Variants in DNAH5 observed in about 807,000 individuals in gnomAD.
DNAH5 encodes the protein axonemal beta dynein heavy chain 5.
A neutral mutation model predicts 518.2 loss-of-function variants in DNAH5; 372 were observed. The ratio of observed to expected loss-of-function variants is 0.72; its 90% CI spans 0.66 to 0.78. DNAH5 has a LOEUF of 0.78. DNAH5 is among the 30% of genes least tolerant of loss of function. The pLI is 0.00. For missense variants in DNAH5, 5,523 were observed against 5,687.0 expected, an observed-to-expected ratio of 0.97 and a Z score of 0.93; for synonymous variants, 2,039 against 2,025.9, an observed-to-expected ratio of 1.01 and a Z score of -0.17.
intron 60 of DNAH5, among the ~76,000 whole-genome samples, chr5:13,759,905 C>A (rs1751542059): frequency 7.4e-6 from 1 of 135,862 alleles, no homozygotes; most frequent in African/African-American, 2.8e-5. Flanking sequence ...AAATTATTTT[C>A]CTATCTCAAA....
chr5:13,823,410 T>C, intron 39 of DNAH5, 40 bp from the exon 40 acceptor site: 1 of 1,323,554 alleles, frequency 7.6e-7, no homozygotes, highest in Non-Finnish European at 1.1e-6. Context: ...ATTATTCTGG[T>C]ATAAACATAT....
intron 70 of DNAH5, among the ~76,000 whole-genome samples, chr5:13,725,878 C>T (rs1847080): frequency 0.64 from 96,555 of 152,000 alleles, 31,016 homozygotes; most frequent in African/African-American, 0.73. Flanking sequence ...GGTCTTGAAC[C>T]CCTGACCTCG....
chr5:13,923,695 A>T (rs1370829178), intron 3 of DNAH5, among the ~76,000 whole-genome samples: 1 of 152,172 alleles, frequency 6.6e-6, no homozygotes. Flanking sequence ...CAATGTATCT[A>T]CTGGCATGTA....
At position 13,716,669 on chromosome 5, in the gene DNAH5, G is replaced by A. The variant is rs150357258; in HGVS notation, c.12727C>T (p.Arg4243Cys). The change falls in exon 74 of 79, where the codon CGC (arginine) becomes TGC (cysteine). Residue 4243 changes from arginine (R) to cysteine (C), a missense_variant. By Grantham distance (180) the Arg-to-Cys change is radical. Coordinates refer to ENST00000265104, the MANE Select transcript of DNAH5 (RefSeq NM_001369.3). ...VKKGVSWTTI[R>C]YMIGEIQYGG... ...TATTGAATCTCTCCTATCATGTAGCGGATGGTGGTCCAGGAGACACCCTGG... is the reference window on the plus strand; with the variant it reads ...TATTGAATCTCTCCTATCATGTAGCAGATGGTGGTCCAGGAGACACCCTGG... 4.0e-5 allele frequency: 64 copies of A among 1,613,280 alleles called. No individual in the cohort carries two copies. Among genetic ancestry groups the A allele is most frequent in the South Asian group, 6.6e-5 (6 of 91,048 alleles).
chr5:13,821,506 A>G (rs969834269), intron 40 of DNAH5, among the ~76,000 whole-genome samples: 1 of 152,210 alleles, frequency 6.6e-6, no homozygotes, highest in Non-Finnish European at 1.5e-5. Flanking sequence ...TCTTCCTTTT[A>G]CAGATAAGGA....
At chr5:13,767,295 T>C (rs1752634065) in intron 58 of DNAH5, among the ~76,000 whole-genome samples, 1 of 152,148 alleles carries the variant, frequency 6.6e-6, no homozygotes, top group South Asian at 2.1e-4. Context: ...GGGCTAATTT[T>C]TGTATTTTTA....
rs1763431235 is a variant in DNAH5, at chr5:13,830,077, A to G, written c.6198T>C (p.Thr2066=). The G allele has an allele frequency of 6.2e-7, 1 of 1,614,002 alleles. No individual in the cohort carries two copies. The highest frequency in any genetic ancestry group is 1.3e-5 in the African/African-American group (1 of 74,934). The change falls in exon 37 of 79, where the codon ACT becomes ACC. Residue 2066 remains threonine (T), a synonymous_variant. Transcript: ENST00000265104. ...KKEHKKSFIF[T]DGDNVTMNPE... Reference sequence around the variant, plus strand: ...GGTTCATAGTCACATTATCTCCATCAGTAAAGATAAAAGACTTTTTGTGCT... The same window carrying G: ...GGTTCATAGTCACATTATCTCCATCGGTAAAGATAAAAGACTTTTTGTGCT...
chr5:13,905,145 T>C (rs1775131001), intron 12 of DNAH5, among the ~76,000 whole-genome samples: 1 of 152,228 alleles, frequency 6.6e-6, no homozygotes, highest in South Asian at 2.1e-4. Flanking sequence ...GTTTAACCAA[T>C]TGAATCAAAA....
rs369529439 is a variant in DNAH5, at chr5:13,791,947, T to C, written c.8448+47A>G. ...AATCAATAAAAATATTTAGAATATA[T>C]CATTAATAGCAATGTTATTTGTTTT... On this transcript the variant is annotated intron_variant, in intron 50 of 78. Transcript: ENST00000265104. 3.3e-5 allele frequency: 46 copies of C among 1,410,706 alleles called. No individual in the cohort carries two copies. In the African/African-American group the frequency reaches 6.0e-4, roughly 18 times the overall value. 87.4% of individuals were successfully genotyped at this position (1,410,706 alleles called of 1,614,324 possible).
At position 13,876,772 on chromosome 5, in the gene DNAH5, G is replaced by C; in HGVS notation, c.3308C>G (p.Thr1103Ser). 1 of 1,613,734 alleles carries C rather than the reference G, an allele frequency of 6.2e-7. No individual in the cohort carries two copies. The highest frequency in any genetic ancestry group is 2.2e-5 in the East Asian group (1 of 44,874). Reference sequence around the variant, plus strand: ...AGAAACATTCTTATAATAGTTCTTGGTTTGCACGGGAATGGGTAAATTTAC... The same window carrying C: ...AGAAACATTCTTATAATAGTTCTTGCTTTGCACGGGAATGGGTAAATTTAC... ...ASVNLPIPVQ[T>S]KNYYKNVSEN... The change falls in exon 22 of 79, where the codon ACC (threonine) becomes AGC (serine). Residue 1103 changes from threonine (T) to serine (S), a missense_variant. This residue lies in a region of DNAH5 where 5,121 missense variants were observed against 5,223.3 expected (regional missense o/e 0.98). Transcript: ENST00000265104.
intron 22 of DNAH5, 88 bp downstream of exon 22, chr5:13,876,596 T>TTATGTGAG: frequency 6.7e-7 from 1 of 1,502,584 alleles, no homozygotes; most frequent in South Asian, 1.3e-5. Context: ...AGACCCAGGC[T>TTATGTGAG]ACATAAAGGA....
rs1476478544 is a variant in DNAH5, at chr5:13,766,148, C to T, written c.9929G>A (p.Arg3310His). Residue 3310 changes from arginine (R) to histidine (H), a missense_variant, in exon 59 of 79, where the codon CGC becomes CAC. Coordinates refer to ENST00000265104, the MANE Select transcript of DNAH5 (RefSeq NM_001369.3). ...GAGGTGAGGGGGGCGGCCCAACGTG[C>T]GAACAGTGGCGATGTCCGAAGGCCT... is the stretch of plus-strand genomic sequence containing the variant. ...TIRPSDIATV[R>H]TLGRPPHLIM... The T allele has an allele frequency of 6.2e-7, 1 of 1,614,144 alleles. No homozygotes were observed. Among genetic ancestry groups the T allele is most frequent in the Non-Finnish European group, 8.5e-7 (1 of 1,180,012 alleles).
intron 3 of DNAH5, 96 bp downstream of exon 3, chr5:13,927,998 A>T: frequency 9.3e-7 from 1 of 1,072,682 alleles, no homozygotes; most frequent in South Asian, 1.3e-5. Context: ...CCGCAAGGTG[A>T]AACAGGTCCG....
intron 49 of DNAH5, 95 bp from the exon 50 acceptor site, chr5:13,792,312 T>C: frequency 2.0e-6 from 2 of 982,110 alleles, no homozygotes; most frequent in Non-Finnish European, 3.2e-6. Context: ...AAAAATGTCA[T>C]TATACATTTT....
At chr5:13,870,742 T>C in intron 24 of DNAH5, 25 bp downstream of exon 24, 1 of 1,583,500 alleles carries the variant, frequency 6.3e-7, no homozygotes, top group Non-Finnish European at 8.7e-7. Context: ...AATATTTCTA[T>C]AATGAACAAA....
Position 13,765,994 on chromosome 5 carries a change from G to A in DNAH5, c.10083C>T (p.Asn3361=), listed in dbSNP as rs768437432. The A allele has an allele frequency of 1.2e-6, 2 of 1,614,140 alleles. No homozygotes were observed. Among genetic ancestry groups the A allele is most frequent in the Non-Finnish European group, 1.7e-6 (2 of 1,180,004 alleles). ...QESLKLMTAG[N]FLQNLQQFPK... ...TACCAACCTGTAAGTTCTGTAAAAA[G>A]TTCCCTGCAGTCATCAATTTTAAGG... is the stretch of plus-strand genomic sequence containing the variant. The change falls in exon 59 of 79, where the codon AAC becomes AAT. Residue 3361 remains asparagine, a synonymous_variant. Transcript: ENST00000265104.
intron 32 of DNAH5, among the ~76,000 whole-genome samples, chr5:13,842,349 C>T (rs113111088): frequency 0.18 from 27,124 of 150,468 alleles, 2,626 homozygotes; most frequent in East Asian, 0.51. Flanking sequence ...CATTGCACTC[C>T]AGGCTGGGCA....
At chr5:13,784,453 T>A (rs556555892) in intron 52 of DNAH5, among the ~76,000 whole-genome samples, 1 of 152,200 alleles carries the variant, frequency 6.6e-6, no homozygotes, top group Non-Finnish European at 1.5e-5. Flanking sequence ...CCAAGCCAAG[T>A]GCCCTCGTGC....
rs902970664 is a variant in DNAH5, at chr5:13,944,642, G to C, written c.-204C>G. 1.7e-6 allele frequency: 1 copy of C among 599,894 alleles called. No individual in the cohort carries two copies. The highest frequency in any genetic ancestry group is 3.0e-6 in the Non-Finnish European group (1 of 332,378). The allele number at this position is 599,894 out of a possible 1,614,324, so 37.2% of individuals were successfully genotyped here. A position where few individuals can be genotyped will look rare whatever the true frequency, so the allele number is the denominator to read the frequency against. On this transcript the variant is annotated 5_prime_UTR_variant, in exon 1 of 79. Transcript: ENST00000265104. ...TTATACCACTCAAGTTTTTCTCCTA[G>C]AGTGTCTGCCCTGGGCCTCTCCTCT...
Sources: gnomAD v4.1 joint callset for allele counts (sites outside exome capture counted in the v4.1 genomes callset) on GRCh38, gnomAD v4.1.1 for gene constraint, gnomAD v4.1.1 regional missense constraint, MANE v1.5 for transcripts, NCBI Gene and HGNC (gene_info 2026-07-23, HGNC 2026-07-21) for gene names.